The following CCDC93 variants were observed in gnomAD, a reference collection of about 807,000 sequenced individuals.
CCDC93 encodes the protein CCC complex scaffolding subunit CCDC93.
Under a neutral mutation model 108.2 loss-of-function variants are expected in CCDC93, and 61 were observed. The observed-to-expected ratio is 0.56, with a 90% CI of 0.46 to 0.70. CCDC93 has a LOEUF of 0.70. Among genes scored for constraint, CCDC93 ranks in the 30% least tolerant of loss-of-function variants. The pLI is 0.00. For missense variants in CCDC93, 685 were observed against 764.2 expected (o/e 0.90, Z 1.22); for synonymous variants, 276 against 260.4 (o/e 1.06, Z -0.58).
chr2:117,980,790 C>T (rs1159377619), intron 7 of CCDC93, among the ~76,000 whole-genome samples: 3 of 152,144 alleles, frequency 2.0e-5, no homozygotes, highest in African/African-American at 7.2e-5. Context: ...TCGCTATTAT[C>T]GAAATCAAGA....
intron 17 of CCDC93, chr2:117,944,619 G>A (rs930961774): frequency 2.3e-6 from 1 of 428,512 alleles, no homozygotes; most frequent in African/African-American, 2.0e-5. Context: ...GATGAGACAT[G>A]GTAAGAGACA....
At chr2:117,961,663 A>G (rs550180225) in intron 11 of CCDC93, among the ~76,000 whole-genome samples, 1 of 152,362 alleles carries the variant, frequency 6.6e-6, no homozygotes, top group Admixed American at 6.5e-5. Flanking sequence ...GTAAACCAGC[A>G]GGTCTCATCT....
At chr2:118,009,520 A>T (rs1676967503) in intron 1 of CCDC93, among the ~76,000 whole-genome samples, 1 of 152,058 alleles carries the variant, frequency 6.6e-6, no homozygotes, top group African/African-American at 2.4e-5. Flanking sequence ...AAAATACAAA[A>T]AATTAGCTGA....
intron 8 of CCDC93, 82 bp downstream of exon 8, chr2:117,977,912 C>T (rs1290891275): frequency 1.8e-5 from 24 of 1,328,470 alleles, no homozygotes; most frequent in East Asian, 1.4e-4. Context: ...AGCTGCTGCC[C>T]GGCTTGTGAG....
rs145323454 is a variant in CCDC93, at chr2:118,006,096, G to C, written c.251+626C>G. On this transcript the variant is annotated intron_variant, in intron 3 of 23. Transcript: ENST00000376300. ...TTCCTGTTATTTATAAGACCCCTTTGTTCCTTTTGGAAGTGTTTTCTCTTG... is the reference window on the plus strand; with the variant it reads ...TTCCTGTTATTTATAAGACCCCTTTCTTCCTTTTGGAAGTGTTTTCTCTTG... Among the ~76,000 whole-genome samples the C allele has an allele frequency of 6.9e-3, 1,054 of 152,098 alleles. 9 individuals carry two copies. Among genetic ancestry groups the C allele is most frequent in the Admixed American group, 0.012 (183 of 15,278 alleles).
chr2:117,990,535 T>G (rs2104806889), intron 6 of CCDC93, among the ~76,000 whole-genome samples: 1 of 152,282 alleles, frequency 6.6e-6, no homozygotes, highest in Admixed American at 6.5e-5. Flanking sequence ...AGGTATAATC[T>G]TGACCAATTC....
At chr2:117,950,111 A>C (rs1401989723) in intron 13 of CCDC93, 3 of 985,326 alleles carry the variant, frequency 3.0e-6, no homozygotes, top group East Asian at 1.1e-4. Flanking sequence ...TGATCTCAGC[A>C]AACAGTAGGT....
chr2:117,941,376 T>A, intron 18 of CCDC93, 79 bp from the exon 19 acceptor site: 1 of 1,137,542 alleles, frequency 8.8e-7, no homozygotes. Flanking sequence ...AAATATTGCC[T>A]GCACCCCGAC....
chr2:117,940,800 G>A (rs1488463428), intron 19 of CCDC93, among the ~76,000 whole-genome samples: 2 of 152,118 alleles, frequency 1.3e-5, no homozygotes, highest in South Asian at 2.1e-4. Context: ...TGCTGTTAAG[G>A]GTTAAGGACC....
At chr2:118,010,246 C>T (rs543321619) in intron 1 of CCDC93, among the ~76,000 whole-genome samples, 4 of 152,258 alleles carry the variant, frequency 2.6e-5, no homozygotes, top group Admixed American at 6.5e-5. Context: ...TGAGCCATCG[C>T]GCCTGGCCGT....
At chr2:117,931,865 T>G (rs1678345226) in intron 22 of CCDC93, among the ~76,000 whole-genome samples, 1 of 152,212 alleles carries the variant, frequency 6.6e-6, no homozygotes, top group Admixed American at 6.5e-5. Context: ...TCCAAAAGCT[T>G]ATTCATTCAA....
At position 117,920,191 on chromosome 2, in the gene CCDC93, G is replaced by A. The variant is rs1462341190; in HGVS notation, c.*152C>T. Reference sequence around the variant, plus strand: ...TCAACAGCAGCCAACAGAGATGAATGGAAGCAAAGAGGAGAAAGAAAACAT... The same window carrying A: ...TCAACAGCAGCCAACAGAGATGAATAGAAGCAAAGAGGAGAAAGAAAACAT... On this transcript the variant is annotated 3_prime_UTR_variant, in exon 24 of 24. Transcript: ENST00000376300. 9.1e-6 allele frequency: 5 copies of A among 547,110 alleles called. No homozygotes were observed. Among genetic ancestry groups the A allele is most frequent in the Non-Finnish European group, 1.6e-5 (5 of 303,498 alleles). The allele number at this position is 547,110 out of a possible 1,614,324, so 33.9% of individuals were successfully genotyped here.
At chr2:117,991,764 T>G (rs1222712775) in intron 6 of CCDC93, among the ~76,000 whole-genome samples, 1 of 152,218 alleles carries the variant, frequency 6.6e-6, no homozygotes, top group Non-Finnish European at 1.5e-5. Context: ...CCTTATTTTA[T>G]TCCTTAATTT....
chr2:118,005,268 C>T (rs1676832376), intron 3 of CCDC93, among the ~76,000 whole-genome samples: 1 of 152,040 alleles, frequency 6.6e-6, no homozygotes, highest in African/African-American at 2.4e-5. Flanking sequence ...CTAACGACCA[C>T]TGGAAAACTC....
intron 21 of CCDC93, 80 bp from the exon 22 acceptor site, chr2:117,935,659 TC>T: frequency 1.9e-6 from 2 of 1,071,362 alleles, no homozygotes; most frequent in Non-Finnish European, 2.9e-6. Context: ...CAGCTCTGTA[TC>T]CAGATTATGA....
intron 1 of CCDC93, among the ~76,000 whole-genome samples, chr2:118,010,729 C>T (rs1252980389): frequency 6.6e-6 from 1 of 152,206 alleles, no homozygotes; most frequent in Non-Finnish European, 1.5e-5. Context: ...TGTCTGGTTT[C>T]ACATTCAGAT....
chr2:117,992,879 A>T (rs981620271), intron 6 of CCDC93, among the ~76,000 whole-genome samples: 2 of 144,848 alleles, frequency 1.4e-5, no homozygotes, highest in Non-Finnish European at 3.0e-5. Flanking sequence ...GAAGTGGATT[A>T]AAAAAAAAAA....
intron 11 of CCDC93, among the ~76,000 whole-genome samples, chr2:117,964,827 T>G (rs912627228): frequency 1.4e-4 from 21 of 152,194 alleles, no homozygotes; most frequent in Admixed American, 1.3e-3. Context: ...GATCTCAAAC[T>G]CCTGGCCTCA....
At chr2:118,008,751 G>A in intron 1 of CCDC93, 93 bp from the exon 2 acceptor site, 1 of 751,096 alleles carries the variant, frequency 1.3e-6, no homozygotes, top group Non-Finnish European at 2.3e-6. Flanking sequence ...CATTGCCAAG[G>A]AGTAGATGAC....
Sources: gnomAD v4.1 joint callset for allele counts (sites outside exome capture counted in the v4.1 genomes callset) on GRCh38, gnomAD v4.1.1 for gene constraint, MANE v1.5 for transcripts, NCBI Gene and HGNC (gene_info 2026-07-23, HGNC 2026-07-21) for gene names.